SDK1: variants seen among roughly 807,000 people sequenced by gnomAD.
SDK1 encodes the protein sidekick cell adhesion molecule 1.
Under a neutral mutation model 245.5 loss-of-function variants are expected in SDK1, and 157 were observed. That is an observed-to-expected ratio of 0.64 (90% confidence interval 0.56 to 0.73). The LOEUF is 0.73. Ranked by LOEUF, SDK1 falls within the 30% of genes least tolerant of loss-of-function variation. The pLI is 0.00. For missense variants in SDK1, 3,583 were observed against 3,002.3 expected (o/e 1.19, Z -4.52); for synonymous variants, 1,647 against 1,278.5 (o/e 1.29, Z -6.15).
chr7:4,219,123 A>G (rs76339261), intron 38 of SDK1, among the ~76,000 whole-genome samples: 12,055 of 152,228 alleles, frequency 0.079, 478 homozygotes, highest in Middle Eastern at 0.13. Context: ...CGTCCTCTGA[A>G]TCGAGGCATC....
rs1779996619 is a variant in SDK1 at position 3,568,422 on chromosome 7, T to C, written c.299-50658T>C. Among the ~76,000 whole-genome samples, 2 of 152,124 alleles carry C rather than the reference T, an allele frequency of 1.3e-5. 1 individual carries two copies. The highest frequency in any genetic ancestry group is 4.1e-4 in the South Asian group (2 of 4,832). ...TTCTTTATATTGTGGTATATGTATATTTTTTTCTCACTAGATTTTAGTTTC... is the reference window on the plus strand; with the variant it reads ...TTCTTTATATTGTGGTATATGTATACTTTTTTCTCACTAGATTTTAGTTTC... On this transcript the variant is annotated intron_variant, in intron 1 of 44. Transcript: ENST00000404826.
chr7:4,038,918 C>T (rs1472811846), intron 17 of SDK1, among the ~76,000 whole-genome samples: 1 of 152,136 alleles, frequency 6.6e-6, no homozygotes, highest in Non-Finnish European at 1.5e-5. Context: ...GACATTGAGA[C>T]AGAAGAAGAC....
At chr7:3,612,616 G>C (rs770451088) in intron 1 of SDK1, among the ~76,000 whole-genome samples, 1 of 152,058 alleles carries the variant, frequency 6.6e-6, no homozygotes. Flanking sequence ...AAAACTTTTC[G>C]CTCATGGTAA....
intron 1 of SDK1, among the ~76,000 whole-genome samples, chr7:3,342,389 G>C (rs1197715482): frequency 6.6e-6 from 1 of 152,108 alleles, no homozygotes; most frequent in Non-Finnish European, 1.5e-5. Flanking sequence ...GGGAGTTTGA[G>C]ATCAGCCTGA....
At chr7:4,174,762 A>G (rs1342025851) in intron 33 of SDK1, among the ~76,000 whole-genome samples, 2 of 152,086 alleles carry the variant, frequency 1.3e-5, no homozygotes, top group East Asian at 1.9e-4. Context: ...CGTGGAGCCC[A>G]TGGTGCTCAC....
intron 25 of SDK1, among the ~76,000 whole-genome samples, chr7:4,123,267 G>A (rs1784183486): frequency 6.6e-6 from 1 of 152,128 alleles, no homozygotes; most frequent in Non-Finnish European, 1.5e-5. Flanking sequence ...AACGTCTTGG[G>A]CATACAGTGT....
intron 1 of SDK1, among the ~76,000 whole-genome samples, chr7:3,459,890 C>T (rs563789443): frequency 1.3e-5 from 2 of 152,272 alleles, no homozygotes; most frequent in Admixed American, 6.5e-5. Context: ...GAAGGTATCT[C>T]TCGTGTTTAT....
At chr7:3,411,227 T>C (rs1779190771) in intron 1 of SDK1, among the ~76,000 whole-genome samples, 1 of 152,116 alleles carries the variant, frequency 6.6e-6, no homozygotes, top group African/African-American at 2.4e-5. Flanking sequence ...TTTCTGCATT[T>C]ACGGACAAAA....
chr7:4,111,527 TAA>T (rs58736600), intron 23 of SDK1, among the ~76,000 whole-genome samples: 2 of 144,120 alleles, frequency 1.4e-5, no homozygotes, highest in African/African-American at 5.0e-5. Flanking sequence ...AAGTTAGAGT[TAA>T]AAAAAAAAAA....
At chr7:4,028,300 A>G (rs1466006155) in intron 17 of SDK1, among the ~76,000 whole-genome samples, 2 of 152,166 alleles carry the variant, frequency 1.3e-5, no homozygotes, top group Non-Finnish European at 2.9e-5. Context: ...ACTAATAACC[A>G]TGAGCCCCAC....
intron 4 of SDK1, among the ~76,000 whole-genome samples, chr7:3,759,567 TC>T (rs779669518): frequency 3.3e-5 from 5 of 150,090 alleles, no homozygotes; most frequent in Non-Finnish European, 4.4e-5. Flanking sequence ...CTCTGTTTTT[TC>T]TTTTTAAATT....
intron 14 of SDK1, among the ~76,000 whole-genome samples, chr7:4,009,263 C>G (rs191233789): frequency 6.6e-6 from 1 of 152,200 alleles, no homozygotes; most frequent in African/African-American, 2.4e-5. Context: ...AGAATGAGAA[C>G]GGTATTTCCA....
intron 5 of SDK1, among the ~76,000 whole-genome samples, chr7:3,914,997 C>T (rs552557042): frequency 1.3e-5 from 2 of 152,260 alleles, no homozygotes; most frequent in African/African-American, 2.4e-5. Context: ...CAGAATCATG[C>T]GCCATCCTTC....
At chr7:3,802,173 G>C (rs1390397736) in intron 4 of SDK1, among the ~76,000 whole-genome samples, 2 of 152,124 alleles carry the variant, frequency 1.3e-5, no homozygotes. Flanking sequence ...CTAGTACAAT[G>C]TGTGTTTGTA....
intron 5 of SDK1, among the ~76,000 whole-genome samples, chr7:3,865,516 A>G (rs1405493713): frequency 6.6e-6 from 1 of 151,978 alleles, no homozygotes; most frequent in Admixed American, 6.6e-5. Flanking sequence ...ATTTTGTTTT[A>G]TTTTATTTTG....
At chr7:3,851,144 C>G (rs1223787914) in intron 5 of SDK1, among the ~76,000 whole-genome samples, 2 of 152,182 alleles carry the variant, frequency 1.3e-5, no homozygotes, top group Non-Finnish European at 2.9e-5. Flanking sequence ...GGCATTTTCA[C>G]TTGTTGGAGT....
rs528103456 is a variant in SDK1, at chr7:4,102,055, C to T, written c.3325-8608C>T. 1.5e-4 allele frequency among the ~76,000 whole-genome samples: 23 copies of T among 152,290 alleles called. No individual in the cohort carries two copies. In the South Asian group the frequency reaches 1.9e-3, roughly 12 times the overall value. Reference sequence around the variant, plus strand: ...ACGACAACCCGGAAAGACAGAAGTCCCCAGGGAAGGGCTGGGAATCTAGAG... The same window carrying T: ...ACGACAACCCGGAAAGACAGAAGTCTCCAGGGAAGGGCTGGGAATCTAGAG... On this transcript the variant is annotated intron_variant, in intron 22 of 44. Transcript: ENST00000404826.
chr7:3,417,456 TTCTC>T (rs918070264), intron 1 of SDK1, among the ~76,000 whole-genome samples: 3 of 152,156 alleles, frequency 2.0e-5, no homozygotes, highest in South Asian at 2.1e-4. Flanking sequence ...TCTCTTTTTT[TTCTC>T]TCTCTTACTT....
chr7:3,888,547 A>C lies in SDK1; in HGVS notation c.848-62376A>C, dbSNP rs555917449. 3.3e-5 allele frequency among the ~76,000 whole-genome samples: 5 copies of C among 152,356 alleles called. No homozygotes were observed. The South Asian group carries it at 1.0e-3, about 32-fold the overall frequency. On this transcript the variant is annotated intron_variant, in intron 5 of 44. Coordinates refer to ENST00000404826, the MANE Select transcript of SDK1 (RefSeq NM_152744.4). ...CTGCTGCTGTATTTGTTGTTCACAGAATGTAATTCCTTGATAATGGCATTT... is the reference window on the plus strand; with the variant it reads ...CTGCTGCTGTATTTGTTGTTCACAGCATGTAATTCCTTGATAATGGCATTT...
Sources: gnomAD v4.1 joint callset for allele counts (sites outside exome capture counted in the v4.1 genomes callset) on GRCh38, gnomAD v4.1.1 for gene constraint, MANE v1.5 for transcripts, NCBI Gene and HGNC (gene_info 2026-07-23, HGNC 2026-07-21) for gene names.